MAF: variants seen among roughly 807,000 people sequenced by gnomAD.
MAF encodes the protein transcription factor Maf.
A neutral mutation model predicts 22.0 loss-of-function variants in MAF; 10 were observed. The ratio of observed to expected loss-of-function variants is 0.45; its 90% confidence interval spans 0.28 to 0.77. The LOEUF (loss-of-function observed/expected upper bound fraction) is 0.77, where lower values mean the gene tolerates loss of function less well. Among genes scored for constraint, MAF ranks in the 30% least tolerant of loss-of-function variants. The pLI, the probability that MAF is intolerant of heterozygous loss-of-function variation, is 0.12. For missense variants in MAF, 544 were observed against 548.4 expected (o/e 0.99, Z 0.08); for synonymous variants, 337 against 255.8 (o/e 1.32, Z -3.03).
At chr16:79,253,730 G>T in the MAF span, among the ~76,000 whole-genome samples, 7 of 152,214 alleles carry the variant, frequency 4.6e-5, no homozygotes, top group East Asian at 1.2e-3. Flanking sequence ...TTCTTGGGGG[G>T]ACATTTCGAG....
the MAF span, among the ~76,000 whole-genome samples, chr16:79,550,528 T>C: frequency 1.3e-5 from 2 of 152,158 alleles, no homozygotes; most frequent in African/African-American, 4.8e-5. Flanking sequence ...TTGGGACAGA[T>C]GCTCTTCAGA....
chr16:79,455,296 T>C, the MAF span, among the ~76,000 whole-genome samples: 1 of 152,114 alleles, frequency 6.6e-6, no homozygotes, highest in Non-Finnish European at 1.5e-5. Context: ...AGGGTTTCTC[T>C]TTGGGGTAAA....
At chr16:79,391,478 T>C in the MAF span, among the ~76,000 whole-genome samples, 1 of 152,154 alleles carries the variant, frequency 6.6e-6, no homozygotes, top group African/African-American at 2.4e-5. Context: ...TTTTATTTCA[T>C]GGCAGTTAAG....
the MAF span, among the ~76,000 whole-genome samples, chr16:79,270,711 C>T: frequency 6.6e-6 from 1 of 152,116 alleles, no homozygotes; most frequent in South Asian, 2.1e-4. Flanking sequence ...CTCCCACTGG[C>T]CCTGATTTGT....
chr16:79,295,032 A>T, the MAF span, among the ~76,000 whole-genome samples: 1 of 151,302 alleles, frequency 6.6e-6, no homozygotes, highest in Non-Finnish European at 1.5e-5. Flanking sequence ...AAGGTTGTTA[A>T]TAATGCTAGA....
At chr16:79,210,088 A>G in the MAF span, among the ~76,000 whole-genome samples, 2 of 152,312 alleles carry the variant, frequency 1.3e-5, no homozygotes. Flanking sequence ...AGTATCATCA[A>G]GCAGCCAGTT....
At chr16:79,244,510 A>G in the MAF span, among the ~76,000 whole-genome samples, 2 of 152,106 alleles carry the variant, frequency 1.3e-5, no homozygotes, top group East Asian at 3.9e-4. Flanking sequence ...AACTTACAAG[A>G]GATTATGAAG....
At chr16:79,391,126 G>T in the MAF span, among the ~76,000 whole-genome samples, 1 of 152,120 alleles carries the variant, frequency 6.6e-6, no homozygotes, top group Non-Finnish European at 1.5e-5. Context: ...TCAGAACCCA[G>T]CCTCTGGAGT....
the MAF span, among the ~76,000 whole-genome samples, chr16:79,424,718 C>A: frequency 2.0e-5 from 3 of 152,104 alleles, no homozygotes; most frequent in East Asian, 5.8e-4. Context: ...TGGTGTTAAA[C>A]AACAACAACA....
the MAF span, chr16:79,212,737 A>AT: frequency 6.6e-6 from 1 of 151,868 alleles, no homozygotes; most frequent in East Asian, 1.9e-4. Context: ...TTTTTAGAAA[A>AT]GAAATCTAGA....
chr16:79,304,090 C>T, the MAF span, among the ~76,000 whole-genome samples: 2 of 152,042 alleles, frequency 1.3e-5, no homozygotes, highest in Non-Finnish European at 1.5e-5. Context: ...GATGCAATAA[C>T]AAATACAGAT....
the MAF span, among the ~76,000 whole-genome samples, chr16:79,494,972 T>G: frequency 6.6e-6 from 1 of 152,148 alleles, no homozygotes; most frequent in South Asian, 2.1e-4. Flanking sequence ...AACAGCCAAA[T>G]GGAAGCAACG....
chr16:79,510,022 G>A, the MAF span, among the ~76,000 whole-genome samples: 230 of 152,284 alleles, frequency 1.5e-3, 2 homozygotes, highest in Middle Eastern at 0.024. Context: ...TTTGGACATG[G>A]CAGAACAGTT....
the MAF span, among the ~76,000 whole-genome samples, chr16:79,542,995 G>C: frequency 6.6e-6 from 1 of 152,186 alleles, no homozygotes; most frequent in Non-Finnish European, 1.5e-5. Context: ...GTGTGTGTAT[G>C]TGCAGTTATG....
chr16:79,273,166 T>C, the MAF span, among the ~76,000 whole-genome samples: 12 of 152,244 alleles, frequency 7.9e-5, no homozygotes, highest in African/African-American at 2.9e-4. Context: ...CCCACGACTG[T>C]CTGCTCCCTG....
the MAF span, among the ~76,000 whole-genome samples, chr16:79,274,097 G>C: frequency 6.6e-6 from 1 of 151,918 alleles, no homozygotes; most frequent in African/African-American, 2.4e-5. Flanking sequence ...TTGGATTACA[G>C]GTATGCGCCA....
chr16:79,245,403 T>C, the MAF span, among the ~76,000 whole-genome samples: 1 of 151,922 alleles, frequency 6.6e-6, no homozygotes, highest in Non-Finnish European at 1.5e-5. Context: ...GCAAAGGATA[T>C]AAACAGACAC....
the MAF span, among the ~76,000 whole-genome samples, chr16:79,470,428 C>A: frequency 6.6e-6 from 1 of 152,286 alleles, no homozygotes; most frequent in Admixed American, 6.5e-5. Context: ...GAAAGAGCTG[C>A]CCACTCCACT....
the MAF span, among the ~76,000 whole-genome samples, chr16:79,516,573 G>C: frequency 6.6e-6 from 1 of 152,166 alleles, no homozygotes; most frequent in African/African-American, 2.4e-5. Context: ...GATTTTAGTT[G>C]ACATTTGTCA....
Sources: gnomAD v4.1 joint callset for allele counts (sites outside exome capture counted in the v4.1 genomes callset) on GRCh38, gnomAD v4.1.1 for gene constraint, MANE v1.5 for transcripts, NCBI Gene and HGNC (gene_info 2026-07-23, HGNC 2026-07-21) for gene names.